Variants in SAMD3 observed in about 807,000 individuals in gnomAD.
The protein encoded by SAMD3 is sterile alpha motif domain-containing protein 3.
In SAMD3, 63 loss-of-function variants were observed where a neutral mutation model predicts 58.5. The ratio of observed to expected loss-of-function variants is 1.08; its 90% CI spans 0.88 to 1.33. SAMD3 has a LOEUF of 1.33. SAMD3 is among the 40% of genes most tolerant of loss of function. The probability of loss-of-function intolerance (pLI) is 0.00; values close to 1 mark genes in which losing one functional copy is unlikely to be tolerated. For synonymous variants in SAMD3, 220 were observed against 210.3 expected, an observed-to-expected ratio of 1.05 and a Z score of -0.40; for missense variants, 604 against 608.4, an observed-to-expected ratio of 0.99 and a Z score of 0.08.
chr6:130,311,501 T>C (rs1776160512), intron 2 of SAMD3, among the ~76,000 whole-genome samples: 1 of 152,172 alleles, frequency 6.6e-6, no homozygotes, highest in Admixed American at 6.6e-5. Context: ...GTGAGGACCC[T>C]ACATTTTTAA....
chr6:130,153,197 T>C (rs1789384334), intron 9 of SAMD3, among the ~76,000 whole-genome samples: 1 of 96,694 alleles, frequency 1.0e-5, no homozygotes, highest in South Asian at 3.6e-4. Context: ...TTTAAAACTG[T>C]ATTTTGCAGA....
At chr6:130,324,211 G>T (rs1165712722) in intron 1 of SAMD3, among the ~76,000 whole-genome samples, 1 of 152,136 alleles carries the variant, frequency 6.6e-6, no homozygotes, top group Non-Finnish European at 1.5e-5. Context: ...TACTGATCTA[G>T]GATAGCAGGC....
intron 2 of SAMD3, among the ~76,000 whole-genome samples, chr6:130,261,808 T>G (rs568724523): frequency 6.6e-6 from 1 of 152,294 alleles, no homozygotes; most frequent in East Asian, 1.9e-4. Context: ...GTCCCTTGTT[T>G]CAAAGGTATG....
chr6:130,282,842 G>A (rs993840202), intron 2 of SAMD3, among the ~76,000 whole-genome samples: 4 of 152,142 alleles, frequency 2.6e-5, no homozygotes, highest in Admixed American at 2.6e-4. Context: ...GACCCAGCAG[G>A]GTGATTCTCT....
rs112392838 is a variant in SAMD3 at position 130,285,209 on chromosome 6, T to G, written c.-188+27769A>C. On this transcript the variant is annotated intron_variant, in intron 2 of 13. Coordinates refer to the SAMD3 transcript ENST00000368134. The stretch of plus-strand genomic sequence containing the variant: ...GAGATATGAATTGGATATATAAACA[T>G]GGAGCTTGAAGAGATGTGGGCTGAA... Among the ~76,000 whole-genome samples the G allele has an allele frequency of 6.2e-3, 939 of 152,318 alleles. 6 individuals carry two copies. The highest frequency in any genetic ancestry group is 9.4e-3 in the Non-Finnish European group (639 of 68,024).
At chr6:130,330,684 T>C (rs1238297373) in intron 1 of SAMD3, among the ~76,000 whole-genome samples, 1 of 152,120 alleles carries the variant, frequency 6.6e-6, no homozygotes, top group Non-Finnish European at 1.5e-5. Flanking sequence ...TAGCAACCAG[T>C]GGGGATACCA....
At chr6:130,154,593 C>T (rs1451218707) in intron 9 of SAMD3, among the ~76,000 whole-genome samples, 1 of 150,498 alleles carries the variant, frequency 6.6e-6, no homozygotes, top group Admixed American at 6.6e-5. Flanking sequence ...ACTCAGGAGG[C>T]TGAGGCAGGA....
chr6:130,250,693 G>T (rs1047019728), intron 2 of SAMD3, among the ~76,000 whole-genome samples: 14 of 152,124 alleles, frequency 9.2e-5, no homozygotes, highest in Admixed American at 2.6e-4. Context: ...TGTACAATAT[G>T]TGGTCCTTTG....
chr6:130,259,901 C>T (rs1774063497), intron 2 of SAMD3, among the ~76,000 whole-genome samples: 1 of 152,076 alleles, frequency 6.6e-6, no homozygotes, highest in Non-Finnish European at 1.5e-5. Context: ...TTTACTTGTG[C>T]TCATTTGTGT....
intron 8 of SAMD3, among the ~76,000 whole-genome samples, chr6:130,165,836 C>T (rs1301070237): frequency 6.6e-6 from 1 of 152,122 alleles, no homozygotes; most frequent in Non-Finnish European, 1.5e-5. Flanking sequence ...TCAAATGGGG[C>T]ATTTGACAGA....
chr6:130,152,943 T>C (rs1034346900), intron 9 of SAMD3, among the ~76,000 whole-genome samples: 2 of 152,186 alleles, frequency 1.3e-5, no homozygotes, highest in African/African-American at 4.8e-5. Context: ...CTGCTTAACA[T>C]AGTCCATTTA....
rs150413805 is a variant in SAMD3, at chr6:130,185,182, A to G, written c.384-559T>C. Among the ~76,000 whole-genome samples the G allele has an allele frequency of 3.0e-3, 461 of 152,342 alleles. 3 individuals carry two copies. Among genetic ancestry groups the G allele is most frequent in the African/African-American group, 0.011 (439 of 41,586 alleles). On this transcript the variant is annotated intron_variant, in intron 5 of 11. Transcript: ENST00000439090. Reference sequence around the variant, plus strand: ...CCGATTCTATCCAGATGAAATTTCTATGAAGGGCTACAGAAAACTATAACT... The same window carrying G: ...CCGATTCTATCCAGATGAAATTTCTGTGAAGGGCTACAGAAAACTATAACT...
At chr6:130,192,059 T>A (rs997780227) in intron 5 of SAMD3, among the ~76,000 whole-genome samples, 7 of 152,156 alleles carry the variant, frequency 4.6e-5, no homozygotes, top group African/African-American at 1.7e-4. Context: ...TGCATGTGGT[T>A]CTCCTCATCT....
intron 8 of SAMD3, among the ~76,000 whole-genome samples, chr6:130,162,574 T>C (rs1271616575): frequency 1.3e-5 from 2 of 152,172 alleles, no homozygotes; most frequent in Admixed American, 6.6e-5. Context: ...ACTCCTGGGC[T>C]CAAGGCTTTC....
rs139714364 is a variant in SAMD3 at position 130,240,963 on chromosome 6, C to T, written c.-187-18150G>A. 5.1e-4 allele frequency among the ~76,000 whole-genome samples: 78 copies of T among 152,230 alleles called. 1 individual carries two copies. In the Middle Eastern group the frequency reaches 0.01, roughly 20 times the overall value. ...TTTACCTGGACTCCCTTCTCTCCTT[C>T]TACTAGTAATACCACCTCAGTATCT... On this transcript the variant is annotated intron_variant, in intron 2 of 13. Transcript: ENST00000368134.
At chr6:130,243,527 A>G (rs1773435912) in intron 2 of SAMD3, among the ~76,000 whole-genome samples, 4 of 152,194 alleles carry the variant, frequency 2.6e-5, no homozygotes, top group Admixed American at 2.6e-4. Flanking sequence ...TCCTTACAAG[A>G]TAAGTAGCAT....
intron 2 of SAMD3, among the ~76,000 whole-genome samples, chr6:130,303,207 G>T (rs1243094163): frequency 2.0e-5 from 3 of 152,028 alleles, no homozygotes; most frequent in Admixed American, 1.3e-4. Context: ...GTAAGTAGGG[G>T]TCCTCTTCAC....
intron 8 of SAMD3, among the ~76,000 whole-genome samples, chr6:130,166,630 G>T (rs1281770662): frequency 6.6e-6 from 1 of 152,140 alleles, no homozygotes; most frequent in African/African-American, 2.4e-5. Flanking sequence ...AAGAATAAGG[G>T]AGTAACTTTG....
chr6:130,198,963 G>A (rs567919993), intron 5 of SAMD3, among the ~76,000 whole-genome samples: 20 of 152,100 alleles, frequency 1.3e-4, no homozygotes, highest in Non-Finnish European at 2.4e-4. Context: ...AAATTTCGGG[G>A]CACAAATTGT....
Sources: gnomAD v4.1 joint callset for allele counts (sites outside exome capture counted in the v4.1 genomes callset) on GRCh38, gnomAD v4.1.1 for gene constraint, MANE v1.5 for transcripts, NCBI Gene and HGNC (gene_info 2026-07-23, HGNC 2026-07-21) for gene names.